The following DGKB variants were observed in gnomAD, a reference collection of about 807,000 sequenced individuals.
DGKB encodes the protein diacylglycerol kinase beta.
A neutral mutation model predicts 114.3 loss-of-function variants in DGKB; 67 were observed. The ratio of observed to expected loss-of-function variants is 0.59; its 90% CI spans 0.48 to 0.72. The LOEUF (loss-of-function observed/expected upper bound fraction) is 0.72. Ranked by LOEUF, DGKB falls within the 30% of genes least tolerant of loss-of-function variation. The probability of loss-of-function intolerance (pLI) is 0.00; values close to 1 mark genes in which losing one functional copy is unlikely to be tolerated. For missense variants in DGKB, 907 were observed against 975.2 expected (o/e 0.93, Z 0.93); for synonymous variants, 398 against 323.1 (o/e 1.23, Z -2.49).
intron 20 of DGKB, among the ~76,000 whole-genome samples, chr7:14,550,673 G>A (rs1251001753): frequency 1.3e-5 from 2 of 152,030 alleles, no homozygotes; most frequent in Non-Finnish European, 2.9e-5. Context: ...TCCATAACTT[G>A]TCAATTTCTC....
Position 14,574,195 on chromosome 7 carries a change from T to G in DGKB, c.1770+17A>C. 1 of 1,607,662 alleles carries G rather than the reference T, an allele frequency of 6.2e-7. No individual in the cohort carries two copies. Among genetic ancestry groups the G allele is most frequent in the Non-Finnish European group, 8.5e-7 (1 of 1,176,712 alleles). Reference sequence around the variant, plus strand: ...TACAGTACAGGTACAAAGGTAAAATTTAGTGGAGAATCTTACCACGCCAAT... The same window carrying G: ...TACAGTACAGGTACAAAGGTAAAATGTAGTGGAGAATCTTACCACGCCAAT... On this transcript the variant is annotated intron_variant, in intron 20 of 25. Coordinates refer to ENST00000402815, the MANE Select transcript of DGKB (RefSeq NM_001350709.2).
At chr7:14,461,191 C>T (rs1833020377) in intron 21 of DGKB, among the ~76,000 whole-genome samples, 1 of 152,122 alleles carries the variant, frequency 6.6e-6, no homozygotes, top group South Asian at 2.1e-4. Flanking sequence ...ATTAAAAGCA[C>T]TGGAGCAGCA....
chr7:14,520,703 C>T (rs980010823), intron 20 of DGKB, among the ~76,000 whole-genome samples: 3 of 151,752 alleles, frequency 2.0e-5, no homozygotes, highest in African/African-American at 7.3e-5. Flanking sequence ...TGATGTCAGT[C>T]TTTTTATATT....
At chr7:14,334,185 T>A (rs932100372) in intron 23 of DGKB, among the ~76,000 whole-genome samples, 1 of 152,178 alleles carries the variant, frequency 6.6e-6, no homozygotes, top group African/African-American at 2.4e-5. Flanking sequence ...CTGAATTTGC[T>A]GGCCTTTTAA....
intron 23 of DGKB, among the ~76,000 whole-genome samples, chr7:14,213,972 T>TTC (rs199865036): frequency 1.3e-5 from 2 of 152,010 alleles, no homozygotes; most frequent in African/African-American, 4.8e-5. Flanking sequence ...ACATGTTGCG[T>TTC]TCTCTCTCTT....
In DGKB at chr7:14,212,364, ATTT is replaced by A. The variant is rs1419378993; in HGVS notation, c.2123-34216_2123-34214del. On this transcript the variant is annotated intron_variant, in intron 23 of 25. Coordinates refer to ENST00000402815, the MANE Select transcript of DGKB (RefSeq NM_001350709.2). ...GTGATATTTACTCTCATGTTTTGTG[ATTT>A]TACTCTCGTGTTTTGTGATATTTAC... Among the ~76,000 whole-genome samples, 23 of 28,444 alleles carry A rather than the reference ATTT, an allele frequency of 8.1e-4. 9 individuals are homozygous for A. The highest frequency in any genetic ancestry group is 2.7e-3 in the South Asian group (2 of 748). 18.7% of individuals were successfully genotyped at this position (28,444 alleles called of 152,430 possible).
chr7:14,482,644 G>A (rs1317314614), intron 20 of DGKB, among the ~76,000 whole-genome samples: 2 of 152,018 alleles, frequency 1.3e-5, no homozygotes, highest in Non-Finnish European at 2.9e-5. Context: ...AAAAATCTGG[G>A]TTTTCAAAGC....
chr7:14,972,188 T>C (rs932638620), intron 1 of DGKB, among the ~76,000 whole-genome samples: 1 of 152,188 alleles, frequency 6.6e-6, no homozygotes, highest in African/African-American at 2.4e-5. Context: ...CACCATGTAT[T>C]GCAAATAAAC....
intron 23 of DGKB, among the ~76,000 whole-genome samples, chr7:14,183,131 T>G (rs1782880959): frequency 6.6e-6 from 1 of 152,188 alleles, no homozygotes; most frequent in Non-Finnish European, 1.5e-5. Flanking sequence ...TGTTTGTAGA[T>G]TGTATGCCTT....
intron 20 of DGKB, among the ~76,000 whole-genome samples, chr7:14,569,035 T>G (rs554244425): frequency 6.6e-6 from 1 of 152,336 alleles, no homozygotes; most frequent in South Asian, 2.1e-4. Flanking sequence ...TGTTATATAT[T>G]CAGGAATGAT....
chr7:14,701,531 C>T (rs1825173932), intron 7 of DGKB, 150 bp downstream of exon 7: 6 of 602,078 alleles, frequency 1.0e-5, no homozygotes, highest in South Asian at 6.7e-5. Flanking sequence ...ATCACTCTCT[C>T]GCAAAAAGTC....
intron 23 of DGKB, among the ~76,000 whole-genome samples, chr7:14,286,833 C>T (rs1800947310): frequency 6.6e-6 from 1 of 151,950 alleles, no homozygotes; most frequent in Non-Finnish European, 1.5e-5. Context: ...AAATATGTGC[C>T]AACAACCTAA....
At chr7:14,882,603 C>T (rs1854407472) in intron 1 of DGKB, among the ~76,000 whole-genome samples, 1 of 151,860 alleles carries the variant, frequency 6.6e-6, no homozygotes, top group South Asian at 2.1e-4. Flanking sequence ...ATCCCTTCTC[C>T]CTTCTGAGTC....
At chr7:14,852,711 G>A (rs1013447091) in intron 1 of DGKB, among the ~76,000 whole-genome samples, 3 of 152,002 alleles carry the variant, frequency 2.0e-5, no homozygotes, top group Non-Finnish European at 2.9e-5. Context: ...ATAGAATACC[G>A]ATTAAAGAAG....
intron 20 of DGKB, among the ~76,000 whole-genome samples, chr7:14,524,012 TGGATCGA>T (rs1377869498): frequency 6.6e-6 from 1 of 152,192 alleles, no homozygotes; most frequent in Non-Finnish European, 1.5e-5. Flanking sequence ...TTCCCAGCTC[TGGATCGA>T]GACACACGGG....
chr7:14,953,359 T>C (rs901543294), intron 1 of DGKB, among the ~76,000 whole-genome samples: 2 of 152,026 alleles, frequency 1.3e-5, no homozygotes, highest in Non-Finnish European at 2.9e-5. Flanking sequence ...AACTCAATAA[T>C]AAAAGACTGA....
intron 1 of DGKB, among the ~76,000 whole-genome samples, chr7:14,856,257 T>C (rs759940457): frequency 6.6e-6 from 1 of 152,102 alleles, no homozygotes; most frequent in Non-Finnish European, 1.5e-5. Flanking sequence ...ATTTGAAAAC[T>C]ACCTCAGTAG....
intron 13 of DGKB, among the ~76,000 whole-genome samples, chr7:14,657,289 T>C (rs923380698): frequency 8.6e-6 from 1 of 116,364 alleles, no homozygotes; most frequent in African/African-American, 2.7e-5. Flanking sequence ...AAAAATTAAA[T>C]AAATAAAAGG....
intron 9 of DGKB, among the ~76,000 whole-genome samples, chr7:14,690,276 T>C (rs1822594188): frequency 6.6e-6 from 1 of 152,196 alleles, no homozygotes; most frequent in African/African-American, 2.4e-5. Flanking sequence ...GGCTAACTTC[T>C]CGTTTTTCCG....
Sources: allele counts gnomAD v4.1 joint callset (sites outside exome capture counted in the v4.1 genomes callset), GRCh38; gene constraint gnomAD v4.1.1; transcripts MANE v1.5; gene names NCBI Gene and HGNC (gene_info 2026-07-23, HGNC 2026-07-21).